The following OR9K2 variants were observed in gnomAD, a reference collection of about 807,000 sequenced individuals.
OR9K2 encodes olfactory receptor 9K2.
OR9K2 carries 16 observed loss-of-function variants against 12.4 expected under a neutral mutation model. The ratio of observed to expected loss-of-function variants is 1.29; its 90% CI spans 0.87 to 1.95. OR9K2 has a LOEUF of 1.95. Ranked by LOEUF, OR9K2 falls within the 30% of genes most tolerant of loss-of-function variation. The probability of loss-of-function intolerance (pLI) is 0.00; values close to 1 mark genes in which losing one functional copy is unlikely to be tolerated. For synonymous variants in OR9K2, 133 were observed against 133.2 expected, an observed-to-expected ratio of 1.00 and a Z score of 0.01; for missense variants, 434 against 376.5, an observed-to-expected ratio of 1.15 and a Z score of -1.26.
intron 2 of OR9K2, among the ~76,000 whole-genome samples, chr12:55,128,656 A>G (rs897770540): frequency 6.6e-6 from 1 of 152,164 alleles, no homozygotes; most frequent in Admixed American, 6.6e-5. Flanking sequence ...CATATTTGTT[A>G]TTATTGTTGC....
chr12:55,130,429 A>G lies in OR9K2; in HGVS notation c.595A>G (p.Arg199Gly), dbSNP rs1373133356. The change falls in exon 3 of 3, where the codon AGA becomes GGA. Residue 199 changes from arginine to glycine, a missense_variant. Physicochemically the swap from Arg to Gly is moderately radical, Grantham distance 125 (BLOSUM62 -2). Coordinates refer to ENST00000641329, the MANE Select transcript of OR9K2 (RefSeq NM_001005243.2). ...RLSCSDLFIH[R>G]MISFSLSCII... Reference sequence around the variant, plus strand: ...GTCTTGTTCTGATCTCTTTATCCATAGAATGATATCTTTTTCCTTATCATG... The same window carrying G: ...GTCTTGTTCTGATCTCTTTATCCATGGAATGATATCTTTTTCCTTATCATG... The G allele has an allele frequency of 3.1e-6, 5 of 1,613,882 alleles. No individual in the cohort carries two copies. The highest frequency in any genetic ancestry group is 1.1e-5 in the South Asian group (1 of 91,074).
chr12:55,131,532 G>A lies in OR9K2; in HGVS notation c.*756G>A, dbSNP rs545120508. 5.9e-5 allele frequency: 9 copies of A among 152,172 alleles called. No homozygotes were observed. The highest frequency in any genetic ancestry group is 1.2e-4 in the African/African-American group (5 of 41,548). The allele number at this position is 152,172 out of a possible 1,614,324, so 9.4% of individuals were successfully genotyped here. A position where few individuals can be genotyped will look rare whatever the true frequency, so the allele number is the denominator to read the frequency against. ...ATAGAATCAGGGAAGTCATCAAAAC[G>A]GATTATGATCCAAAATTTACTTATC... On this transcript the variant is annotated 3_prime_UTR_variant, in exon 3 of 3. Transcript: ENST00000641329.
chr12:55,128,173 A>T (rs906199522), intron 2 of OR9K2, among the ~76,000 whole-genome samples: 3 of 151,874 alleles, frequency 2.0e-5, no homozygotes, highest in African/African-American at 7.2e-5. Context: ...TGGAGAACAA[A>T]TTGAATTTTG....
chr12:55,130,033 G>C lies in OR9K2; in HGVS notation c.199G>C (p.Gly67Arg), dbSNP rs748035193. ...GAACACACCAATGTATTTTTTCCTA[G>C]GCAATCTCTCCTTCATTGATCTTTT... The part of the protein sequence containing the change: ...RLNTPMYFFL[G>R]NLSFIDLFYS... The change falls in exon 3 of 3, where the codon GGC (glycine) becomes CGC (arginine). Residue 67 changes from glycine to arginine, a missense_variant. By Grantham distance (125) the Gly-to-Arg change is moderately radical. Coordinates refer to ENST00000641329, the MANE Select transcript of OR9K2 (RefSeq NM_001005243.2). 3 of 1,612,904 alleles carry C rather than the reference G, an allele frequency of 1.9e-6. No homozygotes were observed. Among genetic ancestry groups the C allele is most frequent in the Non-Finnish European group, 1.7e-6 (2 of 1,179,978 alleles).
intron 2 of OR9K2, among the ~76,000 whole-genome samples, chr12:55,128,455 T>A (rs546204102): frequency 6.6e-6 from 1 of 152,026 alleles, no homozygotes; most frequent in South Asian, 2.1e-4. Flanking sequence ...GGAGCCAGTT[T>A]TCCTGGCTTC....
At chr12:55,128,946 T>G (rs990363851) in intron 2 of OR9K2, among the ~76,000 whole-genome samples, 1 of 152,100 alleles carries the variant, frequency 6.6e-6, no homozygotes, top group East Asian at 1.9e-4. Context: ...AAACACACAC[T>G]GGAGCCTTTT....
rs1429725169 is a variant in OR9K2, at chr12:55,130,515, A to G, written c.681A>G (p.Thr227=). The G allele has an allele frequency of 4.3e-6, 7 of 1,613,694 alleles. No homozygotes were observed. Among genetic ancestry groups the G allele is most frequent in the East Asian group, 2.2e-5 (1 of 44,892 alleles). ...TATCTTACATGTATATTGTGTCCAC[A>G]GTTCTAAAGATACATTCTACTGAGG... ...IIVSYMYIVS[T]VLKIHSTEGH... is the part of the protein sequence containing the mutation. Residue 227 remains threonine, a synonymous_variant, in exon 3 of 3, where the codon ACA becomes ACG. Transcript: ENST00000641329.
intron 2 of OR9K2, among the ~76,000 whole-genome samples, chr12:55,127,591 A>G (rs1953437787): frequency 6.6e-6 from 1 of 152,086 alleles, no homozygotes; most frequent in South Asian, 2.1e-4. Context: ...CATCTTATTC[A>G]GCTTTTCTCT....
rs1953468615 is a variant in OR9K2 at position 55,130,905 on chromosome 12, T to C, written c.*129T>C. 1 of 609,388 alleles carries C rather than the reference T, an allele frequency of 1.6e-6. No homozygotes were observed. The highest frequency in any genetic ancestry group is 2.8e-6 in the Non-Finnish European group (1 of 361,416). The allele number at this position is 609,388 out of a possible 1,614,324, so 37.7% of individuals were successfully genotyped here. A position where few individuals can be genotyped will look rare whatever the true frequency, so the allele number is the denominator to read the frequency against. Reference sequence around the variant, plus strand: ...GTTTTCATGTGATGTGCTCTTTCCATATTTTACTTTTTTACCTCCCAAGAC... The same window carrying C: ...GTTTTCATGTGATGTGCTCTTTCCACATTTTACTTTTTTACCTCCCAAGAC... On this transcript the variant is annotated 3_prime_UTR_variant, in exon 3 of 3. Coordinates refer to ENST00000641329, the MANE Select transcript of OR9K2 (RefSeq NM_001005243.2).
chr12:55,128,547 G>A (rs1953443971), intron 2 of OR9K2, among the ~76,000 whole-genome samples: 2 of 151,836 alleles, frequency 1.3e-5, no homozygotes, highest in Admixed American at 6.6e-5. Flanking sequence ...GTAAACTTGG[G>A]AATATAATAA....
chr12:55,130,812 T>C lies in OR9K2; in HGVS notation c.*36T>C, dbSNP rs200072131. ...TCTTTCACCAATTTTATTGTGGCTA[T>C]TTATTTAATACACCTGTGTTCATTA... On this transcript the variant is annotated 3_prime_UTR_variant, in exon 3 of 3. Coordinates refer to ENST00000641329, the MANE Select transcript of OR9K2 (RefSeq NM_001005243.2). 1.6e-4 allele frequency: 198 copies of C among 1,202,072 alleles called. No homozygotes were observed. In the African/African-American group the frequency reaches 2.5e-3, roughly 15 times the overall value. 74.5% of individuals were successfully genotyped at this position (1,202,072 alleles called of 1,614,324 possible). A position where few individuals can be genotyped will look rare whatever the true frequency, so the allele number is the denominator to read the frequency against.
At position 55,130,391 on chromosome 12, in the gene OR9K2, C is replaced by G. The variant is rs747529479; in HGVS notation, c.557C>G (p.Pro186Arg). Reference sequence around the variant, plus strand: ...GACCACTTTTACTGTGATTCTCGCCCACTTCAGAGACTGTCTTGTTCTGAT... The same window carrying G: ...GACCACTTTTACTGTGATTCTCGCCGACTTCAGAGACTGTCTTGTTCTGAT... ...AVDHFYCDSR[P>R]LQRLSCSDLF... The change falls in exon 3 of 3, where the codon CCA (proline) becomes CGA (arginine). Residue 186 changes from proline to arginine, a missense_variant. Pro to Arg is a moderately radical substitution (Grantham distance 103). Transcript: ENST00000641329. 1.2e-6 allele frequency: 2 copies of G among 1,614,024 alleles called. No homozygotes were observed. The highest frequency in any genetic ancestry group is 2.2e-5 in the South Asian group (2 of 91,078).
rs202096303 is a variant in OR9K2, at chr12:55,130,101, G to A, written c.267G>A (p.Trp89Ter). The change falls in exon 3 of 3, where the codon TGG becomes TGA. Residue 89 changes from tryptophan (W) to a stop codon, truncating the protein, a stop_gained. Transcript: ENST00000641329. LOFTEE classifies it high-confidence loss of function. Reference sequence around the variant, plus strand: ...AACCCAAGGCTATGATCAACTTCTGGTCTGAAAACAAGTCTATCTCCTTTG... The same window carrying A: ...AACCCAAGGCTATGATCAACTTCTGATCTGAAAACAAGTCTATCTCCTTTG... ...VIEPKAMINF[W>*]SENKSISFAG... 2.6e-4 allele frequency: 425 copies of A among 1,613,012 alleles called. No individual in the cohort carries two copies. The highest frequency in any genetic ancestry group is 2.4e-4 in the Non-Finnish European group (281 of 1,179,966).
chr12:55,129,163 G>A (rs891971543), intron 2 of OR9K2, among the ~76,000 whole-genome samples: 1 of 152,112 alleles, frequency 6.6e-6, no homozygotes, highest in Non-Finnish European at 1.5e-5. Context: ...TTTTCTTTAT[G>A]AAAGTGCTTT....
In OR9K2 at chr12:55,130,370, A is replaced by G. The variant is rs1419607172; in HGVS notation, c.536A>G (p.His179Arg). 1.2e-6 allele frequency: 2 copies of G among 1,613,990 alleles called. No homozygotes were observed. The highest frequency in any genetic ancestry group is 8.5e-7 in the Non-Finnish European group (1 of 1,179,962). Residue 179 changes from histidine to arginine, a missense_variant, in exon 3 of 3, where the codon CAC becomes CGC. His to Arg is a conservative substitution (Grantham distance 29, BLOSUM62 0). Coordinates refer to ENST00000641329, the MANE Select transcript of OR9K2 (RefSeq NM_001005243.2). ...TTTTGCGCTTCTCGGGCTGTTGACC[A>G]CTTTTACTGTGATTCTCGCCCACTT... The part of the protein sequence containing the change: ...LSFCASRAVD[H>R]FYCDSRPLQR...
chr12:55,127,088 TAA>T (rs1453043134), intron 2 of OR9K2, among the ~76,000 whole-genome samples, 177 bp downstream of exon 2: 1 of 151,980 alleles, frequency 6.6e-6, no homozygotes, highest in Non-Finnish European at 1.5e-5. Context: ...TTTATTTTAA[TAA>T]GTTTGTTTTT....
intron 2 of OR9K2, among the ~76,000 whole-genome samples, chr12:55,128,212 T>TTAA (rs1953441947): frequency 6.6e-6 from 1 of 151,866 alleles, no homozygotes; most frequent in South Asian, 2.1e-4. Context: ...TGAAGAATAA[T>TTAA]TAATATGTAA....
chr12:55,127,772 C>G (rs1018196969), intron 2 of OR9K2, among the ~76,000 whole-genome samples: 3 of 151,966 alleles, frequency 2.0e-5, no homozygotes, highest in Non-Finnish European at 2.9e-5. Flanking sequence ...AATAGTGGGA[C>G]TGAGCACTGA....
intron 2 of OR9K2, among the ~76,000 whole-genome samples, chr12:55,129,023 C>A (rs1592489343): frequency 1.3e-5 from 2 of 151,954 alleles, no homozygotes; most frequent in South Asian, 4.2e-4. Flanking sequence ...GGCTTAATAC[C>A]CTGGTGATTA....
Sources: allele counts gnomAD v4.1 joint callset (sites outside exome capture counted in the v4.1 genomes callset), GRCh38; gene constraint gnomAD v4.1.1; transcripts MANE v1.5; gene names NCBI Gene and HGNC (gene_info 2026-07-23, HGNC 2026-07-21).